The following TASP1 variants were observed in gnomAD, a reference collection of about 807,000 sequenced individuals.
TASP1 encodes the protein taspase 1.
TASP1 carries 16 observed loss-of-function variants against 56.6 expected under a neutral mutation model. The ratio of observed to expected loss-of-function variants is 0.28; its 90% CI spans 0.19 to 0.43. TASP1 has a LOEUF of 0.43. Ranked by LOEUF, TASP1 falls within the 20% of genes least tolerant of loss-of-function variation. TASP1 has a pLI of 1.00. For missense variants in TASP1, 393 were observed against 511.6 expected (o/e 0.77, Z 2.24); for synonymous variants, 179 against 184.2 (o/e 0.97, Z 0.23).
At chr20:13,322,823 GA>G in the TASP1 span, among the ~76,000 whole-genome samples, 4 of 152,090 alleles carry the variant, frequency 2.6e-5, no homozygotes, top group South Asian at 8.3e-4. Context: ...GTGTCAACTT[GA>G]AAACAGTCCT....
the TASP1 span, among the ~76,000 whole-genome samples, chr20:13,318,435 T>TA: frequency 0.019 from 2,842 of 152,302 alleles, 94 homozygotes; most frequent in African/African-American, 0.059. Flanking sequence ...CTTATGAAAT[T>TA]AAACGTACGC....
At chr20:13,160,875 T>A in the TASP1 span, among the ~76,000 whole-genome samples, 1 of 152,050 alleles carries the variant, frequency 6.6e-6, no homozygotes, top group Non-Finnish European at 1.5e-5. Context: ...ATTATTAGAG[T>A]GGAGAAGATT....
downstream of TASP1, among the ~76,000 whole-genome samples, chr20:13,384,664 ATTAACT>A (rs1401229758): frequency 6.6e-6 from 1 of 152,226 alleles, no homozygotes; most frequent in Non-Finnish European, 1.5e-5. Flanking sequence ...ATGTGATATT[ATTAACT>A]TTATGTTTCC....
At chr20:13,113,592 G>C in the TASP1 span, among the ~76,000 whole-genome samples, 1 of 152,148 alleles carries the variant, frequency 6.6e-6, no homozygotes, top group Non-Finnish European at 1.5e-5. Flanking sequence ...AGAATATAGA[G>C]GAGTCAGGAT....
intron 11 of TASP1, among the ~76,000 whole-genome samples, chr20:13,438,982 C>T (rs576562631): frequency 6.6e-6 from 1 of 152,246 alleles, no homozygotes; most frequent in East Asian, 1.9e-4. Flanking sequence ...GTTAGAATGG[C>T]GATCATTAAA....
At chr20:13,563,667 CTT>C (rs75277729) in intron 7 of TASP1, among the ~76,000 whole-genome samples, 34 of 137,670 alleles carry the variant, frequency 2.5e-4, no homozygotes, top group Admixed American at 4.4e-4. Flanking sequence ...GCCATATGAT[CTT>C]TTTTTTTTTT....
chr20:13,377,706 GT>G, the TASP1 span, among the ~76,000 whole-genome samples: 1 of 151,706 alleles, frequency 6.6e-6, no homozygotes, highest in African/African-American at 2.4e-5. Flanking sequence ...CTGGTCCTAG[GT>G]TTTTTTTGGT....
chr20:13,202,765 T>C, the TASP1 span, among the ~76,000 whole-genome samples: 1 of 152,198 alleles, frequency 6.6e-6, no homozygotes, highest in African/African-American at 2.4e-5. Flanking sequence ...CGGAAACAGC[T>C]GAGTTGGTTA....
chr20:13,191,664 G>C, the TASP1 span, among the ~76,000 whole-genome samples: 1 of 152,150 alleles, frequency 6.6e-6, no homozygotes. Flanking sequence ...ATAAGTTCTG[G>C]GGTTCTATAG....
chr20:13,234,588 C>T, the TASP1 span, among the ~76,000 whole-genome samples: 1 of 152,216 alleles, frequency 6.6e-6, no homozygotes, highest in East Asian at 1.9e-4. Flanking sequence ...ATAAGTGTGC[C>T]CTTTTAGCCA....
intron 13 of TASP1, among the ~76,000 whole-genome samples, chr20:13,402,632 A>T (rs1056368120): frequency 6.6e-6 from 1 of 152,208 alleles, no homozygotes; most frequent in African/African-American, 2.4e-5. Context: ...TAGTTGTTGG[A>T]TAATATAAGA....
At chr20:13,299,457 TAA>T in the TASP1 span, 3 of 1,593,026 alleles carry the variant, frequency 1.9e-6, no homozygotes, top group Non-Finnish European at 2.6e-6. This position sits in a 1 kb window ranked among gnomAD's most constrained non-coding sequence, Gnocchi z 5.8. Context: ...CAGGGAATAT[TAA>T]AGAGACTGGG....
intron 9 of TASP1, among the ~76,000 whole-genome samples, chr20:13,531,592 G>A (rs1032642768): frequency 1.3e-5 from 2 of 151,024 alleles, no homozygotes; most frequent in African/African-American, 4.9e-5. Flanking sequence ...TCAGGTTCAA[G>A]CAATTCTCCT....
chr20:13,386,687 A>G (rs1262461891), downstream of TASP1, among the ~76,000 whole-genome samples: 1 of 152,184 alleles, frequency 6.6e-6, no homozygotes, highest in East Asian at 1.9e-4. Flanking sequence ...AAAACTGGAA[A>G]TTATGCAAAA....
At chr20:13,589,294 G>T (rs933857863) in intron 4 of TASP1, among the ~76,000 whole-genome samples, 1 of 151,922 alleles carries the variant, frequency 6.6e-6, no homozygotes, top group Non-Finnish European at 1.5e-5. Context: ...TCCTGACCTC[G>T]TGATCCACCC....
At chr20:13,354,928 C>T in the TASP1 span, among the ~76,000 whole-genome samples, 1 of 151,984 alleles carries the variant, frequency 6.6e-6, no homozygotes, top group Non-Finnish European at 1.5e-5. Flanking sequence ...AAAACAACAA[C>T]CAAATAAAAC....
chr20:13,629,289 G>A (rs1286091989), intron 2 of TASP1, among the ~76,000 whole-genome samples: 1 of 150,878 alleles, frequency 6.6e-6, no homozygotes, highest in African/African-American at 2.4e-5. Flanking sequence ...GCTTGAACTT[G>A]GGAGGTGGAG....
chr20:13,613,937 CAT>C (rs1402980500), intron 4 of TASP1, among the ~76,000 whole-genome samples: 2 of 152,060 alleles, frequency 1.3e-5, no homozygotes, highest in African/African-American at 4.8e-5. Flanking sequence ...AAAAACTTTC[CAT>C]TTTTGTTCTG....
the TASP1 span, among the ~76,000 whole-genome samples, chr20:13,297,388 A>G: frequency 2.9e-3 from 446 of 152,310 alleles, 3 homozygotes; most frequent in African/African-American, 0.01. Flanking sequence ...CACACCCTGT[A>G]TTAGCTGCCC....
Sources: allele counts gnomAD v4.1 joint callset (sites outside exome capture counted in the v4.1 genomes callset), GRCh38; gene constraint gnomAD v4.1.1; non-coding constraint Gnocchi (gnomAD v3.1); transcripts MANE v1.5; gene names NCBI Gene and HGNC (gene_info 2026-07-23, HGNC 2026-07-21).